QRICH2: variants seen among roughly 807,000 people sequenced by gnomAD.
QRICH2 encodes the protein glutamine rich 2.
In QRICH2, 119 loss-of-function variants were observed where a neutral mutation model predicts 168.3. The observed-to-expected ratio is 0.71, with a 90% confidence interval of 0.61 to 0.82. The LOEUF (loss-of-function observed/expected upper bound fraction) is 0.82, where lower values mean the gene tolerates loss of function less well. Ranked by LOEUF, QRICH2 falls within the 40% of genes least tolerant of loss-of-function variation. The pLI is 0.00. For synonymous variants in QRICH2, 894 were observed against 951.2 expected (o/e 0.94, Z 1.11); for missense variants, 2,241 against 2,491.6 (o/e 0.90, Z 2.14).
At chr17:76,299,077 T>C (rs1399637382) in intron 3 of QRICH2, among the ~76,000 whole-genome samples, 1 of 152,088 alleles carries the variant, frequency 6.6e-6, no homozygotes, top group African/African-American at 2.4e-5. Flanking sequence ...CACACAGGCA[T>C]GCATCTGTCT....
chr17:76,279,996 A>T, intron 12 of QRICH2, 37 bp downstream of exon 12: 1 of 1,570,630 alleles, frequency 6.4e-7, no homozygotes, highest in Non-Finnish European at 8.6e-7. Flanking sequence ...CCCCCTGAAG[A>T]GCGTGCCAGC....
Position 76,281,647 on chromosome 17 carries a change from A to G in QRICH2, c.4263+217T>C, listed in dbSNP as rs1288629351. Reference sequence around the variant, plus strand: ...CACCCCATCAAGCCAGCTCTTCCCCATGGTCTCCTGTCCCCAAAGCTAGTT... The same window carrying G: ...CACCCCATCAAGCCAGCTCTTCCCCGTGGTCTCCTGTCCCCAAAGCTAGTT... On this transcript the variant is annotated intron_variant, in intron 8 of 18. Transcript: ENST00000680821. This position sits in a 1 kb window ranked among gnomAD's most constrained non-coding sequence, Gnocchi z 4.4. Among the ~76,000 whole-genome samples the G allele has an allele frequency of 6.6e-6, 1 of 152,142 alleles. No homozygotes were observed. Among genetic ancestry groups the G allele is most frequent in the Non-Finnish European group, 1.5e-5 (1 of 68,014 alleles).
chr17:76,277,447 G>T lies in QRICH2; in HGVS notation c.5118-137C>A, dbSNP rs867817785. Reference sequence around the variant, plus strand: ...GCTGCCGGGAGGCTGAGCAGCAGGGGCCCAGAACAGGCGGGCGGGGGTAGA... The same window carrying T: ...GCTGCCGGGAGGCTGAGCAGCAGGGTCCCAGAACAGGCGGGCGGGGGTAGA... On this transcript the variant is annotated intron_variant, in intron 15 of 18. Transcript: ENST00000680821. 347 of 1,046,192 alleles carry T rather than the reference G, an allele frequency of 3.3e-4. 1 individual carries two copies. In the Middle Eastern group the frequency reaches 4.3e-3, roughly 13 times the overall value. The allele number at this position is 1,046,192 out of a possible 1,614,324, so 64.8% of individuals were successfully genotyped here.
rs757557707 is a variant in QRICH2 at position 76,291,045 on chromosome 17, C to T, written c.3682G>A (p.Glu1228Lys). 4 of 1,613,860 alleles carry T rather than the reference C, an allele frequency of 2.5e-6. No individual in the cohort carries two copies. The South Asian group carries it at 3.3e-5, about 13-fold the overall frequency. Reference sequence around the variant, plus strand: ...TGTGCCAGCAGGAACTGGATCTTCTCCAAGTCGGTTTGGCCGGCCTGCTCC... The same window carrying T: ...TGTGCCAGCAGGAACTGGATCTTCTTCAAGTCGGTTTGGCCGGCCTGCTCC... Reference protein sequence around the residue: ...DEEQAGQTDLEKIQFLLAQMV... With the variant: ...DEEQAGQTDLKKIQFLLAQMV... Residue 1228 changes from glutamate to lysine, a missense_variant, in exon 4 of 19, where the codon GAG becomes AAG. By Grantham distance (56) the Glu-to-Lys change is moderately conservative. This residue lies in a region of QRICH2 where 2,047 missense variants were observed against 2,303.8 expected (regional missense o/e 0.89). Transcript: ENST00000680821.
At chr17:76,287,695 C>G in intron 6 of QRICH2, 105 bp downstream of exon 6, 1 of 813,712 alleles carries the variant, frequency 1.2e-6, no homozygotes, top group South Asian at 1.4e-5. Context: ...AGGTCAAAGA[C>G]AGTGGTCCAT....
Position 76,280,361 on chromosome 17 carries a change from C to A in QRICH2, c.4552G>T (p.Val1518Leu), listed in dbSNP as rs760102024. The A allele has an allele frequency of 3.1e-6, 5 of 1,614,098 alleles. No homozygotes were observed. In the South Asian group the frequency reaches 3.3e-5, roughly 11 times the overall value. ...TGCTCCTGCCCGCTCATCTTGGCCA[C>A]CAGCTCCTGCATCATGTGGTTCAGC... ...EQLNHMMQEL[V>L]AKMSGQEQDW... The change falls in exon 11 of 19, where the codon GTG (valine) becomes TTG (leucine). Residue 1518 changes from valine to leucine, a missense_variant. Coordinates refer to ENST00000680821, the MANE Select transcript of QRICH2 (RefSeq NM_001388453.1). This position sits in a 1 kb window ranked among gnomAD's most constrained non-coding sequence, Gnocchi z 7.4.
intron 7 of QRICH2, among the ~76,000 whole-genome samples, chr17:76,282,643 C>T (rs887299322): frequency 2.6e-5 from 4 of 152,190 alleles, no homozygotes; most frequent in African/African-American, 7.2e-5. Flanking sequence ...CAAGGCTGGG[C>T]GGTGCAAACC....
chr17:76,279,005 G>A lies in QRICH2; in HGVS notation c.4916+36C>T, dbSNP rs199566327. 4.0e-4 allele frequency: 622 copies of A among 1,560,710 alleles called. No homozygotes were observed. The African/African-American group carries it at 5.9e-3, about 15-fold the overall frequency. ...CTTCCCCATCCAGAGCCCTGGCCCC[G>A]GACCCATATGTCCCATATGCTGTCC... On this transcript the variant is annotated intron_variant, in intron 14 of 18. Coordinates refer to ENST00000680821, the MANE Select transcript of QRICH2 (RefSeq NM_001388453.1).
intron 3 of QRICH2, among the ~76,000 whole-genome samples, chr17:76,301,703 A>AATTTTTT (rs1555587308): frequency 4.1e-5 from 5 of 121,752 alleles, no homozygotes; most frequent in African/African-American, 1.7e-4. Flanking sequence ...GTGTTTTATA[A>AATTTTTT]TTTTTTTTTT....
intron 3 of QRICH2, among the ~76,000 whole-genome samples, chr17:76,295,047 T>G (rs917438679): frequency 2.0e-5 from 3 of 149,958 alleles, no homozygotes; most frequent in Non-Finnish European, 4.4e-5. Context: ...CTGGCCAACA[T>G]GATGAAACCC....
intron 7 of QRICH2, among the ~76,000 whole-genome samples, chr17:76,285,046 C>G (rs983610782): frequency 6.6e-6 from 1 of 151,654 alleles, no homozygotes; most frequent in Non-Finnish European, 1.5e-5. Context: ...CCTCCGCCTC[C>G]CAGGTTCAAG....
At chr17:76,279,990 C>G (rs780720051) in intron 12 of QRICH2, 43 bp downstream of exon 12, 1 of 1,568,410 alleles carries the variant, frequency 6.4e-7, no homozygotes, top group Non-Finnish European at 8.6e-7. Flanking sequence ...CCCTCACCCC[C>G]TGAAGAGCGT....
chr17:76,280,255 G>C lies in QRICH2; in HGVS notation c.4626+32C>G. On this transcript the variant is annotated intron_variant, in intron 11 of 18. Transcript: ENST00000680821. The surrounding 1 kb of genome is among the most constrained non-coding windows in gnomAD (Gnocchi z 7.4). ...TCCCGATCCTGGGGGCAAGGCTGTG[G>C]GATGGAGAGCCCCGCCATGCCCCTG... The C allele has an allele frequency of 5.0e-6, 8 of 1,612,282 alleles. No individual in the cohort carries two copies. The highest frequency in any genetic ancestry group is 6.8e-6 in the Non-Finnish European group (8 of 1,178,968).
chr17:76,282,838 T>G (rs1598481978), intron 7 of QRICH2, among the ~76,000 whole-genome samples: 1 of 152,084 alleles, frequency 6.6e-6, no homozygotes, highest in Admixed American at 6.6e-5. Context: ...CAACCTGGGC[T>G]CCTCTCTGGG....
In QRICH2 at chr17:76,282,191, C is replaced by T. The variant is rs2070802476; in HGVS notation, c.4012-76G>A. On this transcript the variant is annotated intron_variant, in intron 7 of 18. Transcript: ENST00000680821. ...ACGCTCTGCCCATGCTGGCACTGCC[C>T]CTAGCCTGTGTGCCTCTCCCCTGTC... 8 of 1,499,402 alleles carry T rather than the reference C, an allele frequency of 5.3e-6. 1 individual carries two copies. Among genetic ancestry groups the T allele is most frequent in the Middle Eastern group, 4.5e-4 (2 of 4,446 alleles). 92.9% of individuals were successfully genotyped at this position (1,499,402 alleles called of 1,614,324 possible). A position where few individuals can be genotyped will look rare whatever the true frequency, so the allele number is the denominator to read the frequency against.
At position 76,292,570 on chromosome 17, in the gene QRICH2, A is replaced by C; in HGVS notation, c.2157T>G (p.Asp719Glu). Residue 719 changes from aspartate to glutamate, a missense_variant, in exon 4 of 19, where the codon GAT (aspartate) becomes GAG (glutamate). Asp to Glu is a conservative substitution (Grantham distance 45, BLOSUM62 2). Around this residue, in one of 3 missense-constraint regions of QRICH2, gnomAD observed 2,047 missense variants for 2,303.8 expected, o/e 0.89. Transcript: ENST00000680821. ...GCTGAACTGCACCAGGTTGAGCCAAATCACTCTGATCTGCACCAGATTGTA... is the reference window on the plus strand; with the variant it reads ...GCTGAACTGCACCAGGTTGAGCCAACTCACTCTGATCTGCACCAGATTGTA... ...GLVQSGADQS[D>E]LAQPGAVQHG... 3 of 1,613,900 alleles carry C rather than the reference A, an allele frequency of 1.9e-6. No individual in the cohort carries two copies. Among genetic ancestry groups the C allele is most frequent in the Non-Finnish European group, 2.5e-6 (3 of 1,179,912 alleles).
intron 14 of QRICH2, 71 bp downstream of exon 14, chr17:76,278,970 T>A: frequency 7.7e-7 from 1 of 1,297,786 alleles, no homozygotes. Flanking sequence ...GAGTCATCCC[T>A]GTCCCCTGCC....
At position 76,277,197 on chromosome 17, in the gene QRICH2, AG is replaced by A; in HGVS notation, c.5230del (p.Leu1744CysfsTer11). The A allele has an allele frequency of 6.2e-7, 1 of 1,602,032 alleles. No individual in the cohort carries two copies. Among genetic ancestry groups the A allele is most frequent in the Non-Finnish European group, 8.5e-7 (1 of 1,176,676 alleles). On this transcript the variant is annotated frameshift_variant, in exon 16 of 19. Transcript: ENST00000680821. LOFTEE classifies it high-confidence loss of function. ...AATCTGGATCTCTTCAGTAGGATAC[AG>A]GCCCCGGGGAAGGTGCTGCGGGCGG... is the stretch of plus-strand genomic sequence containing the variant. ...RSRPQHLPRG[L>X]YPTEEIQIAM... is the part of the protein sequence containing the mutation.
chr17:76,304,816 G>C, intron 2 of QRICH2, 66 bp downstream of exon 2: 1 of 1,136,744 alleles, frequency 8.8e-7, no homozygotes, highest in Non-Finnish European at 1.3e-6. Flanking sequence ...GCCCTGGAGA[G>C]AGGGCCACAC....
Sources: gnomAD v4.1 joint callset for allele counts (sites outside exome capture counted in the v4.1 genomes callset) on GRCh38, gnomAD v4.1.1 for gene constraint, gnomAD v4.1.1 regional missense constraint, Gnocchi (gnomAD v3.1) non-coding constraint, MANE v1.5 for transcripts, NCBI Gene and HGNC (gene_info 2026-07-23, HGNC 2026-07-21) for gene names.